The following TTLL11 variants were observed in gnomAD, a reference collection of about 807,000 sequenced individuals.
TTLL11 encodes the protein tubulin polyglutamylase TTLL11.
A neutral mutation model predicts 51.7 loss-of-function variants in TTLL11; 42 were observed. That is an observed-to-expected ratio of 0.81 (90% confidence interval 0.64 to 1.05). The LOEUF (loss-of-function observed/expected upper bound fraction) is 1.05, where lower values mean the gene tolerates loss of function less well. Ranked by LOEUF, TTLL11 falls within the 50% of genes least tolerant of loss-of-function variation. The probability of loss-of-function intolerance (pLI) is 0.00; values close to 1 mark genes in which losing one functional copy is unlikely to be tolerated. For synonymous variants in TTLL11, 381 were observed against 383.5 expected (o/e 0.99, Z 0.08); for missense variants, 799 against 940.4 (o/e 0.85, Z 1.97).
intron 6 of TTLL11, chr9:121,885,191 A>C (rs1284938132): frequency 6.6e-6 from 1 of 152,236 alleles, no homozygotes; most frequent in African/African-American, 2.4e-5. Context: ...TTCCAGGATG[A>C]AGATAATACA....
At chr9:122,037,791 C>A (rs1009810533) in intron 2 of TTLL11, among the ~76,000 whole-genome samples, 1 of 152,166 alleles carries the variant, frequency 6.6e-6, no homozygotes, top group African/African-American at 2.4e-5. Flanking sequence ...GACTGTCCAG[C>A]AAGCCGTGTT....
rs968475517 is a variant in TTLL11, at chr9:121,890,263, C to T, written c.1482-19515G>A. Among the ~76,000 whole-genome samples, 1 of 152,300 alleles carries T rather than the reference C, an allele frequency of 6.6e-6. No homozygotes were observed. The highest frequency in any genetic ancestry group is 6.5e-5 in the Admixed American group (1 of 15,300). ...GAGATTCATTCTCCCTCTCCCCTCA[C>T]AAGCATCAAGCCAGCCAAGTCCTAT... On this transcript the variant is annotated intron_variant, in intron 6 of 8. Coordinates refer to ENST00000321582, the MANE Select transcript of TTLL11 (RefSeq NM_001139442.2). The surrounding 1 kb of genome is among the most constrained non-coding windows in gnomAD (Gnocchi z 4.3).
At chr9:121,983,453 G>T (rs917085452) in intron 4 of TTLL11, among the ~76,000 whole-genome samples, 15 of 152,292 alleles carry the variant, frequency 9.8e-5, no homozygotes, top group Admixed American at 7.8e-4. Flanking sequence ...GGCCATGGGG[G>T]CTACGCGGGA....
intron 8 of TTLL11, among the ~76,000 whole-genome samples, chr9:121,838,831 T>C (rs1018261557): frequency 3.4e-5 from 3 of 88,712 alleles, no homozygotes; most frequent in Admixed American, 9.8e-5. Flanking sequence ...CAAGCAAAGA[T>C]AGATCAAACC....
In TTLL11 at chr9:122,055,982, C is replaced by T. The variant is rs187243192; in HGVS notation, c.463-16614G>A. ...TGGCCACTAACTTGCGGAGCTGCCT[C>T]GGGCATTCACAGACCTCTTCAAGCC... On this transcript the variant is annotated intron_variant, in intron 1 of 8. Coordinates refer to ENST00000321582, the MANE Select transcript of TTLL11 (RefSeq NM_001139442.2). 1.3e-3 allele frequency among the ~76,000 whole-genome samples: 196 copies of T among 152,316 alleles called. 1 individual carries two copies. The highest frequency in any genetic ancestry group is 3.9e-3 in the African/African-American group (164 of 41,558).
chr9:121,902,842 G>A (rs752782827), intron 6 of TTLL11, among the ~76,000 whole-genome samples: 34 of 152,284 alleles, frequency 2.2e-4, no homozygotes, highest in African/African-American at 6.7e-4. Context: ...ATTGTAACAC[G>A]TGTTGGGAAA....
chr9:121,892,372 G>C (rs1020267239), intron 6 of TTLL11, among the ~76,000 whole-genome samples: 42 of 152,028 alleles, frequency 2.8e-4, no homozygotes, highest in African/African-American at 9.7e-4. Context: ...TTCCACATGG[G>C]GGGGTGCTCA....
intron 6 of TTLL11, among the ~76,000 whole-genome samples, chr9:121,920,018 G>T (rs116178900): frequency 6.6e-6 from 1 of 152,158 alleles, no homozygotes; most frequent in Non-Finnish European, 1.5e-5. Context: ...TTTAGGCTGA[G>T]TGTGGTGGCT....
intron 2 of TTLL11, among the ~76,000 whole-genome samples, chr9:122,038,653 A>C (rs1481153603): frequency 1.3e-5 from 2 of 152,194 alleles, no homozygotes; most frequent in East Asian, 3.8e-4. Flanking sequence ...CATCTCAGAA[A>C]AGTGGTAGAG....
intron 6 of TTLL11, among the ~76,000 whole-genome samples, chr9:121,880,711 A>G (rs941380688): frequency 2.0e-4 from 31 of 152,218 alleles, no homozygotes; most frequent in Admixed American, 1.9e-3. Flanking sequence ...CAGCCCCAGC[A>G]CAGCTCCCAG....
At chr9:121,846,206 T>G (rs1400579453) in intron 8 of TTLL11, among the ~76,000 whole-genome samples, 2 of 152,134 alleles carry the variant, frequency 1.3e-5, no homozygotes, top group Non-Finnish European at 2.9e-5. Flanking sequence ...GTAATAATGA[T>G]AAAGGGACAA....
intron 1 of TTLL11, among the ~76,000 whole-genome samples, chr9:122,060,210 C>G (rs1191731879): frequency 6.6e-6 from 1 of 152,242 alleles, no homozygotes; most frequent in Non-Finnish European, 1.5e-5. Context: ...GAGTATCATT[C>G]AAGGTCATCT....
intron 3 of TTLL11, among the ~76,000 whole-genome samples, chr9:121,993,897 C>T (rs1843180131): frequency 6.6e-6 from 1 of 152,224 alleles, no homozygotes; most frequent in Non-Finnish European, 1.5e-5. Flanking sequence ...TGCATCCAAT[C>T]TTAGCAACTC....
chr9:121,989,429 A>G lies in TTLL11; in HGVS notation c.1035T>C (p.Tyr345=). The G allele has an allele frequency of 6.2e-7, 1 of 1,614,136 alleles. No homozygotes were observed. The highest frequency in any genetic ancestry group is 8.5e-7 in the Non-Finnish European group (1 of 1,180,024). Residue 345 remains tyrosine (Y), a synonymous_variant, in exon 4 of 9, where the codon TAT becomes TAC. Coordinates refer to ENST00000321582, the MANE Select transcript of TTLL11 (RefSeq NM_001139442.2). The surrounding 1 kb of genome is among the most constrained non-coding windows in gnomAD (Gnocchi z 4.2). ...LHRIFMHLTN[Y]SLNIHSGNFI... is the part of the protein sequence containing the mutation. ...AGTTGCCGCTGTGGATGTTCAGTGA[A>G]TAGTTGGTTAAGTGCATAAAGATGC...
chr9:122,082,071 G>A (rs1846015211), intron 1 of TTLL11, among the ~76,000 whole-genome samples: 1 of 152,212 alleles, frequency 6.6e-6, no homozygotes, highest in Admixed American at 6.5e-5. Flanking sequence ...TATTGGAGCA[G>A]ATATGCAAAA....
At chr9:121,955,944 T>G (rs928799637) in intron 6 of TTLL11, among the ~76,000 whole-genome samples, 3 of 152,196 alleles carry the variant, frequency 2.0e-5, no homozygotes, top group African/African-American at 7.2e-5. Context: ...AATTTATCTA[T>G]TGTTCCATTT....
intron 8 of TTLL11, among the ~76,000 whole-genome samples, chr9:121,852,404 C>T (rs997390262): frequency 2.6e-5 from 4 of 152,136 alleles, no homozygotes; most frequent in South Asian, 2.1e-4. Context: ...TATTGAAACC[C>T]GGCCTGTCTA....
At chr9:121,943,863 C>T (rs10985461) in intron 6 of TTLL11, among the ~76,000 whole-genome samples, 31,630 of 152,154 alleles carry the variant, frequency 0.21, 3,417 homozygotes, top group Middle Eastern at 0.23. Flanking sequence ...CCCCTGTGCA[C>T]CCCACACAGG....
chr9:121,894,494 A>G (rs982499239), intron 6 of TTLL11, among the ~76,000 whole-genome samples: 1 of 152,160 alleles, frequency 6.6e-6, no homozygotes, highest in East Asian at 1.9e-4. Flanking sequence ...CTTGGAACCA[A>G]CCCAAATTCC....
Sources: allele counts gnomAD v4.1 joint callset (sites outside exome capture counted in the v4.1 genomes callset), GRCh38; gene constraint gnomAD v4.1.1; non-coding constraint Gnocchi (gnomAD v3.1); transcripts MANE v1.5; gene names NCBI Gene and HGNC (gene_info 2026-07-23, HGNC 2026-07-21).